The following MTMR7 variants were observed in gnomAD, a reference collection of about 807,000 sequenced individuals.
MTMR7 encodes phosphatidylinositol-3-phosphate phosphatase MTMR7.
In MTMR7, 76 loss-of-function variants were observed where a neutral mutation model predicts 81.2. The observed-to-expected ratio is 0.94, with a 90% CI of 0.78 to 1.13. The LOEUF is 1.13. Ranked by LOEUF, MTMR7 falls within the 50% of genes most tolerant of loss-of-function variation. The probability of loss-of-function intolerance (pLI) is 0.00; values close to 1 mark genes in which losing one functional copy is unlikely to be tolerated. For synonymous variants in MTMR7, 372 were observed against 289.8 expected (o/e 1.28, Z -2.88); for missense variants, 1,044 against 820.0 (o/e 1.27, Z -3.34).
Position 17,361,371 on chromosome 8 carries a change from G to C in MTMR7, c.311-97C>G, listed in dbSNP as rs190410223. 12 of 1,377,078 alleles carry C rather than the reference G, an allele frequency of 8.7e-6. No individual in the cohort carries two copies. The South Asian group carries it at 1.3e-4, about 14-fold the overall frequency. The allele number at this position is 1,377,078 out of a possible 1,614,324, so 85.3% of individuals were successfully genotyped here. A position where few individuals can be genotyped will look rare whatever the true frequency, so the allele number is the denominator to read the frequency against. On this transcript the variant is annotated intron_variant, in intron 3 of 13. Coordinates refer to ENST00000180173, the MANE Select transcript of MTMR7 (RefSeq NM_004686.5). ...CTGTCCCACCTGGAGTGCCCAGAGA[G>C]GCCATCCCAACCCCCACCCCCAGCA...
At chr8:17,324,265 G>C (rs182333034) in intron 7 of MTMR7, among the ~76,000 whole-genome samples, 83 of 152,314 alleles carry the variant, frequency 5.4e-4, no homozygotes, top group Middle Eastern at 6.8e-3. Context: ...CTGATGAATA[G>C]ATGAGCGTCT....
intron 8 of MTMR7, among the ~76,000 whole-genome samples, chr8:17,312,819 GAAC>G (rs1817867603): frequency 6.6e-6 from 1 of 152,016 alleles, no homozygotes; most frequent in Non-Finnish European, 1.5e-5. Flanking sequence ...AAAAAAAACT[GAAC>G]AACACAAAAG....
intron 2 of MTMR7, among the ~76,000 whole-genome samples, chr8:17,372,800 G>T (rs1482925592): frequency 2.6e-5 from 4 of 152,076 alleles, no homozygotes; most frequent in African/African-American, 9.7e-5. Context: ...ATGGAGCACT[G>T]GAGGATGACA....
chr8:17,384,282 G>T (rs191849160), intron 1 of MTMR7, among the ~76,000 whole-genome samples: 4 of 152,202 alleles, frequency 2.6e-5, no homozygotes, highest in African/African-American at 9.6e-5. Context: ...ATAGTGGCAG[G>T]CACCTGTAGG....
At chr8:17,341,566 G>A in intron 5 of MTMR7, 69 bp from the exon 6 acceptor site, 1 of 1,556,152 alleles carries the variant, frequency 6.4e-7, no homozygotes, top group Non-Finnish European at 8.7e-7. Flanking sequence ...CTCTACGTGT[G>A]TCTCCAGAAC....
chr8:17,394,452 C>T (rs990598957), intron 1 of MTMR7, among the ~76,000 whole-genome samples: 3 of 152,066 alleles, frequency 2.0e-5, no homozygotes, highest in East Asian at 1.9e-4. Flanking sequence ...CCAGTCACAA[C>T]GGACCATAAA....
chr8:17,307,779 C>T (rs1379913626), intron 10 of MTMR7, among the ~76,000 whole-genome samples: 2 of 151,826 alleles, frequency 1.3e-5, no homozygotes, highest in Non-Finnish European at 2.9e-5. Flanking sequence ...AGCAAACTAT[C>T]GCAAGGACAA....
chr8:17,378,636 T>C (rs73551323), intron 1 of MTMR7, among the ~76,000 whole-genome samples: 2,190 of 152,330 alleles, frequency 0.014, 55 homozygotes, highest in African/African-American at 0.049. Context: ...GCTTAAGACA[T>C]ACGAGGTATT....
At chr8:17,312,867 C>T (rs1356446260) in intron 8 of MTMR7, among the ~76,000 whole-genome samples, 1 of 152,164 alleles carries the variant, frequency 6.6e-6, no homozygotes, top group Non-Finnish European at 1.5e-5. Flanking sequence ...GTGAAAGCTG[C>T]AGCGACATTT....
At chr8:17,411,349 C>A (rs566418786) in intron 1 of MTMR7, among the ~76,000 whole-genome samples, 35 of 152,252 alleles carry the variant, frequency 2.3e-4, no homozygotes, top group African/African-American at 8.2e-4. Context: ...CAGAGCTGAT[C>A]CTCTCTTCAG....
chr8:17,373,881 T>C (rs1196770837), intron 1 of MTMR7, among the ~76,000 whole-genome samples: 1 of 152,224 alleles, frequency 6.6e-6, no homozygotes, highest in African/African-American at 2.4e-5. Flanking sequence ...TTACAAAGCA[T>C]ACCTCTCTCA....
intron 5 of MTMR7, among the ~76,000 whole-genome samples, chr8:17,343,792 G>A (rs996301069): frequency 6.6e-6 from 1 of 152,142 alleles, no homozygotes; most frequent in African/African-American, 2.4e-5. Context: ...ATTTTTCATT[G>A]AATCAGTAAT....
chr8:17,383,282 G>A (rs1820819046), intron 1 of MTMR7, among the ~76,000 whole-genome samples: 2 of 152,164 alleles, frequency 1.3e-5, no homozygotes, highest in Non-Finnish European at 1.5e-5. Flanking sequence ...TAACTGTGGT[G>A]CGTTCCTTTT....
intron 1 of MTMR7, among the ~76,000 whole-genome samples, chr8:17,404,361 G>A (rs1393076122): frequency 6.6e-6 from 1 of 152,134 alleles, no homozygotes; most frequent in Non-Finnish European, 1.5e-5. Context: ...AAAATTGGGT[G>A]TGAAGCGAGA....
intron 3 of MTMR7, among the ~76,000 whole-genome samples, chr8:17,365,886 G>A (rs1233305763): frequency 6.6e-6 from 1 of 152,184 alleles, no homozygotes; most frequent in Non-Finnish European, 1.5e-5. Context: ...CAGTTTGGCT[G>A]TTTCTAGGAA....
rs1361017698 is a variant in MTMR7, at chr8:17,413,337, C to A, written c.-45G>T. On this transcript the variant is annotated 5_prime_UTR_variant, in exon 1 of 14. Coordinates refer to ENST00000180173, the MANE Select transcript of MTMR7 (RefSeq NM_004686.5). ...GGTCCCGGGCGGGCGCGGCCTCACG[C>A]ACCTGCGCGCCTCTGCGGCGCGATG... 23 of 1,509,834 alleles carry A rather than the reference C, an allele frequency of 1.5e-5. No homozygotes were observed. The highest frequency in any genetic ancestry group is 2.2e-5 in the Admixed American group (1 of 45,808). 93.5% of individuals were successfully genotyped at this position (1,509,834 alleles called of 1,614,324 possible). A position where few individuals can be genotyped will look rare whatever the true frequency, so the allele number is the denominator to read the frequency against.
chr8:17,319,033 G>T (rs1202014843), intron 7 of MTMR7, among the ~76,000 whole-genome samples: 1 of 152,206 alleles, frequency 6.6e-6, no homozygotes, highest in Non-Finnish European at 1.5e-5. Flanking sequence ...CTGCCATCTT[G>T]GGGAAATAGG....
At chr8:17,411,865 C>T (rs1821744287) in intron 1 of MTMR7, among the ~76,000 whole-genome samples, 1 of 152,240 alleles carries the variant, frequency 6.6e-6, no homozygotes, top group Non-Finnish European at 1.5e-5. Context: ...CTGTATCATT[C>T]TTGCTATCAA....
Position 17,299,786 on chromosome 8 carries a change from C to A in MTMR7, c.*76G>T, listed in dbSNP as rs888964216. ...TGACATGCACCATTTCCTGTTTTTACAATAAACCACCTTGTTCCCTTGTTT... is the reference window on the plus strand; with the variant it reads ...TGACATGCACCATTTCCTGTTTTTAAAATAAACCACCTTGTTCCCTTGTTT... On this transcript the variant is annotated 3_prime_UTR_variant, in exon 14 of 14. Coordinates refer to ENST00000180173, the MANE Select transcript of MTMR7 (RefSeq NM_004686.5). 4 of 1,556,642 alleles carry A rather than the reference C, an allele frequency of 2.6e-6. No homozygotes were observed. The highest frequency in any genetic ancestry group is 1.8e-4 in the Middle Eastern group (1 of 5,714).
Sources: gnomAD v4.1 joint callset for allele counts (sites outside exome capture counted in the v4.1 genomes callset) on GRCh38, gnomAD v4.1.1 for gene constraint, MANE v1.5 for transcripts, NCBI Gene and HGNC (gene_info 2026-07-23, HGNC 2026-07-21) for gene names.